The following SYNE2 variants were observed in gnomAD, a reference collection of about 807,000 sequenced individuals.
SYNE2 encodes the protein nesprin-2.
In SYNE2, 431 loss-of-function variants were observed where a neutral mutation model predicts 856.3. That is an observed-to-expected ratio of 0.50 (90% confidence interval 0.47 to 0.55). SYNE2 has a LOEUF of 0.55. Among genes scored for constraint, SYNE2 ranks in the 20% least tolerant of loss-of-function variants. The probability of loss-of-function intolerance (pLI) is 0.00; values close to 1 mark genes in which losing one functional copy is unlikely to be tolerated. For missense variants in SYNE2, 8,129 were observed against 8,023.2 expected (o/e 1.01, Z -0.50); for synonymous variants, 2,923 against 2,872.3 (o/e 1.02, Z -0.56).
chr14:64,061,295 A>G (rs949569634), intron 49 of SYNE2, among the ~76,000 whole-genome samples: 1 of 152,214 alleles, frequency 6.6e-6, no homozygotes, highest in Non-Finnish European at 1.5e-5. Flanking sequence ...TTATTTACTT[A>G]GCTATTGATG....
chr14:63,950,062 C>T, intron 7 of SYNE2, 56 bp downstream of exon 7: 1 of 1,549,196 alleles, frequency 6.5e-7, no homozygotes. Context: ...TCAACCAACA[C>T]CACCTCACCA....
chr14:64,005,897 A>T (rs892719547), intron 30 of SYNE2, among the ~76,000 whole-genome samples: 3 of 152,190 alleles, frequency 2.0e-5, no homozygotes, highest in Non-Finnish European at 1.5e-5. Flanking sequence ...TTGAGAGATC[A>T]GGAAGATGAG....
At chr14:64,089,249 C>T (rs566340118) in intron 58 of SYNE2, among the ~76,000 whole-genome samples, 105 of 151,290 alleles carry the variant, frequency 6.9e-4, no homozygotes, top group Non-Finnish European at 1.3e-3. Context: ...GCCTGTAATC[C>T]CAGCTATTCA....
At position 63,778,436 on chromosome 14, in the gene SYNE2, C is replaced by G. The variant is rs1887187366; in HGVS notation, c.-305+16450C>G. On this transcript the variant is annotated intron_variant, in intron 1 of 23. Coordinates refer to the SYNE2 transcript ENST00000674003. ...GCTTGATTGTGGTATTCATTTAACA[C>G]TATATGCATATGTGAAAACATCATG... Among the ~76,000 whole-genome samples, 3 of 152,150 alleles carry G rather than the reference C, an allele frequency of 2.0e-5. No individual in the cohort carries two copies. The South Asian group carries it at 6.2e-4, about 32-fold the overall frequency.
At chr14:63,945,975 A>G (rs1209810081) in intron 6 of SYNE2, among the ~76,000 whole-genome samples, 1 of 152,152 alleles carries the variant, frequency 6.6e-6, no homozygotes, top group Non-Finnish European at 1.5e-5. Context: ...TATGATCTTT[A>G]GCTTTAGTAT....
chr14:64,128,450 A>G lies in SYNE2; in HGVS notation c.13918-2A>G, dbSNP rs370774407. 2.8e-5 allele frequency: 41 copies of G among 1,483,428 alleles called. No individual in the cohort carries two copies. Among genetic ancestry groups the G allele is most frequent in the Non-Finnish European group, 5.7e-6 (6 of 1,061,140 alleles). The allele number at this position is 1,483,428 out of a possible 1,614,324, so 91.9% of individuals were successfully genotyped here. ...GCTCAGTTTCCGACATTTATCTTAC[A>G]GAATGAAATAAAGAGATTATATCAT... On this transcript the variant is annotated splice_acceptor_variant, in intron 73 of 115. Transcript: ENST00000555002. LOFTEE classifies it high-confidence loss of function.
chr14:64,214,528 C>T (rs990800156), intron 106 of SYNE2, 58 bp downstream of exon 106: 7 of 1,515,748 alleles, frequency 4.6e-6, no homozygotes, highest in Non-Finnish European at 3.6e-6. Context: ...GTTTTTAGCC[C>T]CTTAGCAACA....
intron 55 of SYNE2, among the ~76,000 whole-genome samples, chr14:64,079,139 T>C (rs1454084305): frequency 1.3e-5 from 2 of 152,178 alleles, no homozygotes; most frequent in Non-Finnish European, 2.9e-5. Flanking sequence ...GATTGTGAAC[T>C]AGCATTTTCA....
chr14:64,054,870 A>G (rs1008108376), intron 48 of SYNE2, among the ~76,000 whole-genome samples: 1 of 152,240 alleles, frequency 6.6e-6, no homozygotes, highest in Non-Finnish European at 1.5e-5. Context: ...ATGAGATACT[A>G]TATCTGGAAT....
chr14:63,821,725 C>T (rs1889224677), intron 1 of SYNE2, among the ~76,000 whole-genome samples: 1 of 151,036 alleles, frequency 6.6e-6, no homozygotes, highest in Admixed American at 6.6e-5. Context: ...TGCACTCCAG[C>T]CTAGGTGACA....
chr14:63,912,378 T>C (rs559037613), intron 2 of SYNE2, among the ~76,000 whole-genome samples: 259 of 152,306 alleles, frequency 1.7e-3, no homozygotes, highest in Non-Finnish European at 2.9e-3. Flanking sequence ...ATTATCTGCA[T>C]GAAGTACTAC....
At chr14:63,812,386 T>G (rs1054638166) in intron 1 of SYNE2, among the ~76,000 whole-genome samples, 1 of 152,182 alleles carries the variant, frequency 6.6e-6, no homozygotes, top group Non-Finnish European at 1.5e-5. Context: ...TGAAAATCAC[T>G]GTTATTCTGT....
chr14:64,145,980 CAA>C, intron 83 of SYNE2, 86 bp from the exon 84 acceptor site: 1 of 938,028 alleles, frequency 1.1e-6, no homozygotes, highest in Non-Finnish European at 1.5e-6. Flanking sequence ...TGAAAAGAAG[CAA>C]AATTGTTTTT....
chr14:63,791,817 T>A (rs1214122570), intron 1 of SYNE2, among the ~76,000 whole-genome samples: 1 of 151,614 alleles, frequency 6.6e-6, no homozygotes, highest in Non-Finnish European at 1.5e-5. Flanking sequence ...TGGTGGCAGG[T>A]GCCTGTAGTC....
intron 1 of SYNE2, among the ~76,000 whole-genome samples, chr14:63,781,277 T>C (rs1023891278): frequency 6.9e-5 from 8 of 115,674 alleles, no homozygotes; most frequent in Non-Finnish European, 1.1e-4. Context: ...AAACTCCAAC[T>C]CAAAAAAAAA....
chr14:64,183,215 C>T (rs554320601), intron 96 of SYNE2, among the ~76,000 whole-genome samples: 2 of 150,384 alleles, frequency 1.3e-5, no homozygotes, highest in South Asian at 4.2e-4. Flanking sequence ...AGCTGCCGGG[C>T]GGAGGGGCTC....
chr14:63,877,983 G>T (rs2094766768), intron 1 of SYNE2, among the ~76,000 whole-genome samples: 1 of 151,936 alleles, frequency 6.6e-6, no homozygotes, highest in Non-Finnish European at 1.5e-5. Context: ...GACCTCCTGG[G>T]CTCAAGTGAT....
chr14:63,998,463 G>A (rs2096729708), intron 26 of SYNE2, 135 bp downstream of exon 26: 5 of 648,762 alleles, frequency 7.7e-6, no homozygotes, highest in Non-Finnish European at 1.4e-5. Flanking sequence ...AAATTCTATG[G>A]TATTTTCTCA....
At chr14:63,871,999 G>A (rs889789749) in intron 1 of SYNE2, among the ~76,000 whole-genome samples, 2 of 152,092 alleles carry the variant, frequency 1.3e-5, no homozygotes, top group Admixed American at 1.3e-4. Flanking sequence ...ATGCTTATGT[G>A]TTGCTTAACA....
Sources: gnomAD v4.1 joint callset for allele counts (sites outside exome capture counted in the v4.1 genomes callset) on GRCh38, gnomAD v4.1.1 for gene constraint, MANE v1.5 for transcripts, NCBI Gene and HGNC (gene_info 2026-07-23, HGNC 2026-07-21) for gene names.